The following PAH variants were observed in gnomAD, a reference collection of about 807,000 sequenced individuals.
PAH encodes the protein phenylalanine hydroxylase, also known as phenylalanine-4-hydroxylase.
Under a neutral mutation model 62.0 loss-of-function variants are expected in PAH, and 64 were observed. The observed-to-expected ratio is 1.03, with a 90% CI of 0.84 to 1.27. The LOEUF (loss-of-function observed/expected upper bound fraction) is 1.27. Among genes scored for constraint, PAH ranks in the 50% most tolerant of loss-of-function variants. The pLI is 0.00. For missense variants in PAH, 579 were observed against 542.8 expected (o/e 1.07, Z -0.66); for synonymous variants, 195 against 196.2 (o/e 0.99, Z 0.05).
At chr12:102,944,079 A>G (rs1879397387) in intron 1 of PAH, among the ~76,000 whole-genome samples, 1 of 152,202 alleles carries the variant, frequency 6.6e-6, no homozygotes, top group Non-Finnish European at 1.5e-5. Flanking sequence ...CACTTTAAAT[A>G]TGTCATGCTA....
rs570748767 is a variant in PAH, at chr12:102,866,638, G to A, written c.467C>T (p.Ala156Val). Reference protein sequence around the residue: ...HPGFKDPVYRARRKQFADIAY... With the variant: ...HPGFKDPVYRVRRKQFADIAY... Reference sequence around the variant, plus strand: ...AATGTCAGCAAACTGCTTCCGTCTTGCACGGTACACAGGATCTTTAAAACC... The same window carrying A: ...AATGTCAGCAAACTGCTTCCGTCTTACACGGTACACAGGATCTTTAAAACC... Residue 156 changes from alanine to valine, a missense_variant, in exon 5 of 13, where the codon GCA (alanine) becomes GTA (valine). Physicochemically the swap from Ala to Val is moderately conservative, Grantham distance 64. Coordinates refer to ENST00000553106, the MANE Select transcript of PAH (RefSeq NM_000277.3). The A allele has an allele frequency of 6.2e-7, 1 of 1,613,696 alleles. No homozygotes were observed. Among genetic ancestry groups the A allele is most frequent in the South Asian group, 1.1e-5 (1 of 91,084 alleles).
rs1233694428 is a variant in PAH at position 102,894,929 on chromosome 12, G to C, written c.169-11C>G. 6.2e-7 allele frequency: 1 copy of C among 1,607,716 alleles called. No homozygotes were observed. The highest frequency in any genetic ancestry group is 8.5e-7 in the Non-Finnish European group (1 of 1,175,398). ...GTTTACATCATTCTCCTAGAAGAGA[G>C]AATGGGGAGGGTGAGGAGACAGTCA... is the stretch of plus-strand genomic sequence containing the variant. On this transcript the variant is annotated splice_polypyrimidine_tract_variant and intron_variant, in intron 2 of 12. Coordinates refer to ENST00000553106, the MANE Select transcript of PAH (RefSeq NM_000277.3).
intron 2 of PAH, among the ~76,000 whole-genome samples, chr12:102,903,893 C>T (rs548691193): frequency 1.3e-5 from 2 of 152,248 alleles, no homozygotes; most frequent in South Asian, 4.1e-4. Flanking sequence ...CCCCCAGGAG[C>T]CTGCTTCTCA....
At chr12:102,889,546 A>G (rs12313998) in intron 3 of PAH, among the ~76,000 whole-genome samples, 2 of 123,028 alleles carry the variant, frequency 1.6e-5, no homozygotes, top group East Asian at 2.6e-4. Flanking sequence ...ATAGATAGAT[A>G]GACAGATAGA....
intron 9 of PAH, among the ~76,000 whole-genome samples, chr12:102,845,009 C>CTA (rs1332595536): frequency 1.3e-5 from 2 of 152,254 alleles, no homozygotes; most frequent in East Asian, 3.9e-4. Context: ...CTTTCTCTCT[C>CTA]TATATATATC....
At chr12:102,902,424 A>G (rs1436393704) in intron 2 of PAH, among the ~76,000 whole-genome samples, 1 of 152,222 alleles carries the variant, frequency 6.6e-6, no homozygotes, top group Admixed American at 6.5e-5. Context: ...TTTAAAAGAC[A>G]CATTCTGGCA....
At chr12:102,873,819 T>G (rs1360583439) in intron 4 of PAH, among the ~76,000 whole-genome samples, 1 of 152,218 alleles carries the variant, frequency 6.6e-6, no homozygotes, top group Admixed American at 6.5e-5. Context: ...CTGGGTTTCA[T>G]TTTTGCAGGA....
At chr12:102,840,239 CA>C (rs1267078876) in intron 12 of PAH, among the ~76,000 whole-genome samples, 160 bp downstream of exon 12, 5 of 152,076 alleles carry the variant, frequency 3.3e-5, no homozygotes, top group Admixed American at 6.5e-5. Flanking sequence ...ACCTTTTTGT[CA>C]AGTTCTTCTC....
intron 1 of PAH, among the ~76,000 whole-genome samples, chr12:102,930,222 C>G (rs1878810988): frequency 6.6e-6 from 1 of 152,138 alleles, no homozygotes; most frequent in Non-Finnish European, 1.5e-5. Flanking sequence ...TTCATTCATT[C>G]AGTATGTGTT....
At chr12:102,882,312 T>C (rs1876844180) in intron 3 of PAH, among the ~76,000 whole-genome samples, 1 of 152,138 alleles carries the variant, frequency 6.6e-6, no homozygotes, top group East Asian at 1.9e-4. Context: ...AGTCCAGCAA[T>C]GGTTAAGAGT....
At chr12:102,958,166 T>C in intron 1 of PAH, 5 of 1,159,078 alleles carry the variant, frequency 4.3e-6, no homozygotes, top group Non-Finnish European at 5.7e-6. Context: ...ACCCAAGTTC[T>C]CTCTGTGTCC....
rs557190150 is a variant in PAH, at chr12:102,908,296, A to G, written c.168+4495T>C. ...TCCATCCAATTCTGGTAATTTAGTTACTTGTCGTTTATTTATTAGGTTGAA... is the reference window on the plus strand; with the variant it reads ...TCCATCCAATTCTGGTAATTTAGTTGCTTGTCGTTTATTTATTAGGTTGAA... On this transcript the variant is annotated intron_variant, in intron 2 of 12. Transcript: ENST00000553106. Among the ~76,000 whole-genome samples, 3 of 151,762 alleles carry G rather than the reference A, an allele frequency of 2.0e-5. 1 individual carries two copies. The South Asian group carries it at 6.3e-4, about 32-fold the overall frequency.
chr12:102,886,626 GTATTGGTTAT>G lies in PAH; in HGVS notation c.352+8099_352+8108del, dbSNP rs1262584588. On this transcript the variant is annotated intron_variant, in intron 3 of 12. Transcript: ENST00000553106. ...AGAAGACATCTAAAGCCTCCTCCATGTATTGGTTATGTCACTCCAGGAGCACTTATTTGGC... is the reference window on the plus strand; with the variant it reads ...AGAAGACATCTAAAGCCTCCTCCATGGTCACTCCAGGAGCACTTATTTGGC... Among the ~76,000 whole-genome samples the G allele has an allele frequency of 2.6e-5, 4 of 152,100 alleles. No homozygotes were observed. In the East Asian group the frequency reaches 7.7e-4, roughly 29 times the overall value.
Position 102,882,437 on chromosome 12 carries a change from G to A in PAH, c.353-4887C>T, listed in dbSNP as rs370676418. ...TCACTCTTCCTATCTTTGAAATGGT[G>A]ATAATAGTAGTACTAGAAAGTATTG... On this transcript the variant is annotated intron_variant, in intron 3 of 12. Coordinates refer to ENST00000553106, the MANE Select transcript of PAH (RefSeq NM_000277.3). Among the ~76,000 whole-genome samples, 342 of 152,088 alleles carry A rather than the reference G, an allele frequency of 2.2e-3. 2 individuals carry two copies. Among genetic ancestry groups the A allele is most frequent in the African/African-American group, 7.6e-3 (316 of 41,468 alleles).
Position 102,894,829 on chromosome 12 carries a change from A to G in PAH, c.258T>C (p.Arg86=). 1 of 1,613,882 alleles carries G rather than the reference A, an allele frequency of 6.2e-7. No homozygotes were observed. The highest frequency in any genetic ancestry group is 8.5e-7 in the Non-Finnish European group (1 of 1,179,786). Residue 86 remains arginine (R), a synonymous_variant, in exon 3 of 13, where the codon CGT becomes CGC. Transcript: ENST00000553106. Reference sequence around the variant, plus strand: ...TGATGTTTGTCAGAGCAGGCAGGCTACGTTTATCCAAATGGGTGAAAAATT... The same window carrying G: ...TGATGTTTGTCAGAGCAGGCAGGCTGCGTTTATCCAAATGGGTGAAAAATT... ...EYEFFTHLDK[R]SLPALTNIIK...
chr12:102,902,822 G>C (rs185628230), intron 2 of PAH, among the ~76,000 whole-genome samples: 1 of 152,150 alleles, frequency 6.6e-6, no homozygotes, highest in Admixed American at 6.5e-5. Flanking sequence ...GCTTCCTCTT[G>C]GCATGTCTCC....
At chr12:102,909,243 C>T (rs1451683009) in intron 2 of PAH, among the ~76,000 whole-genome samples, 1 of 152,020 alleles carries the variant, frequency 6.6e-6, no homozygotes, top group African/African-American at 2.4e-5. Context: ...GGATAATGTT[C>T]CTCAATTAGG....
chr12:102,840,750 C>T (rs930622296), intron 11 of PAH, among the ~76,000 whole-genome samples: 1 of 152,002 alleles, frequency 6.6e-6, no homozygotes, highest in Non-Finnish European at 1.5e-5. Flanking sequence ...TTTATTTAGT[C>T]CCCTGGCTCC....
At chr12:102,930,497 G>C (rs1337779010) in intron 1 of PAH, among the ~76,000 whole-genome samples, 1 of 152,116 alleles carries the variant, frequency 6.6e-6, no homozygotes, top group East Asian at 1.9e-4. Flanking sequence ...ACACCTTTGA[G>C]ATCCAGATAA....
Sources: gnomAD v4.1 joint callset for allele counts (sites outside exome capture counted in the v4.1 genomes callset) on GRCh38, gnomAD v4.1.1 for gene constraint, MANE v1.5 for transcripts, NCBI Gene and HGNC (gene_info 2026-07-23, HGNC 2026-07-21) for gene names.